The following NLRP9 variants were observed in gnomAD, a reference collection of about 807,000 sequenced individuals.
The protein encoded by NLRP9 is NACHT, LRR and PYD domains-containing protein 9.
NLRP9 carries 88 observed loss-of-function variants against 83.1 expected under a neutral mutation model. That is an observed-to-expected ratio of 1.06 (90% CI 0.89 to 1.26). NLRP9 has a LOEUF of 1.26. NLRP9 is among the 50% of genes most tolerant of loss of function. The pLI, the probability that NLRP9 is intolerant of heterozygous loss-of-function variation, is 0.00. For synonymous variants in NLRP9, 521 were observed against 447.6 expected, an observed-to-expected ratio of 1.16 and a Z score of -2.07; for missense variants, 1,308 against 1,179.3, an observed-to-expected ratio of 1.11 and a Z score of -1.60.
In NLRP9 at chr19:55,708,863, T is replaced by C; in HGVS notation, c.*49A>G. The C allele has an allele frequency of 7.0e-7, 1 of 1,425,706 alleles. No individual in the cohort carries two copies. Among genetic ancestry groups the C allele is most frequent in the Non-Finnish European group, 9.3e-7 (1 of 1,071,040 alleles). The allele number at this position is 1,425,706 out of a possible 1,614,324, so 88.3% of individuals were successfully genotyped here. ...TAGAGGTGCCAGGTGAAGGTCCCACTGTGGCCAAGGAAAGCCTTTGTGAGA... is the reference window on the plus strand; with the variant it reads ...TAGAGGTGCCAGGTGAAGGTCCCACCGTGGCCAAGGAAAGCCTTTGTGAGA... On this transcript the variant is annotated 3_prime_UTR_variant, in exon 9 of 9. Transcript: ENST00000332836.
intron 4 of NLRP9, among the ~76,000 whole-genome samples, chr19:55,719,288 G>C (rs1988143178): frequency 6.6e-6 from 1 of 152,200 alleles, no homozygotes; most frequent in African/African-American, 2.4e-5. Flanking sequence ...AACTAGCTGG[G>C]ATTACAGGCA....
intron 1 of NLRP9, among the ~76,000 whole-genome samples, chr19:55,736,173 T>G (rs1038402750): frequency 4.6e-5 from 7 of 151,744 alleles, no homozygotes; most frequent in Non-Finnish European, 1.0e-4. Flanking sequence ...GGGTGGATCA[T>G]GAGGTCAGGA....
At chr19:55,711,548 C>T (rs556113622) in intron 8 of NLRP9, 1 of 1,160,772 alleles carries the variant, frequency 8.6e-7, no homozygotes, top group Non-Finnish European at 1.2e-6. Flanking sequence ...CTGACAATTT[C>T]TGGAGCTCTT....
chr19:55,730,158 A>C (rs552430476), intron 2 of NLRP9, among the ~76,000 whole-genome samples, 166 bp from the exon 3 acceptor site: 1 of 152,376 alleles, frequency 6.6e-6, no homozygotes, highest in East Asian at 1.9e-4. Context: ...CATAATAGTT[A>C]GAAAGTAGGC....
In NLRP9 at chr19:55,712,607, C is replaced by A. The variant is rs891953900; in HGVS notation, c.2502-17G>T. The A allele has an allele frequency of 2.5e-6, 4 of 1,609,222 alleles. No homozygotes were observed. Among genetic ancestry groups the A allele is most frequent in the Non-Finnish European group, 3.4e-6 (4 of 1,177,968 alleles). On this transcript the variant is annotated splice_polypyrimidine_tract_variant and intron_variant, in intron 6 of 8. Transcript: ENST00000332836. ...CCCATCAACCTGGGGAGGTGGAAGA[C>A]ACACAAATACGTACACTTATGAGGT...
At chr19:55,730,119 G>A (rs936575878) in intron 2 of NLRP9, 127 bp from the exon 3 acceptor site, 46 of 778,158 alleles carry the variant, frequency 5.9e-5, no homozygotes, top group East Asian at 5.4e-4. Flanking sequence ...ACAGGGAGAA[G>A]GTCAGCCAGG....
intron 2 of NLRP9, among the ~76,000 whole-genome samples, chr19:55,731,138 T>G (rs1484706971): frequency 6.6e-6 from 1 of 152,140 alleles, no homozygotes; most frequent in East Asian, 1.9e-4. Context: ...AAAAATGTTA[T>G]CATGAACAGC....
chr19:55,735,753 T>C (rs1203898120), intron 1 of NLRP9, among the ~76,000 whole-genome samples: 3 of 152,106 alleles, frequency 2.0e-5, no homozygotes, highest in African/African-American at 7.2e-5. Context: ...AGTGGTGTGA[T>C]TGTGGCTCAC....
rs199475850 is a variant in NLRP9, at chr19:55,711,891, G to T, written c.2752C>A (p.Leu918Met). Residue 918 changes from leucine (L) to methionine (M), a missense_variant, in exon 8 of 9, where the codon CTG becomes ATG. Coordinates refer to ENST00000332836, the MANE Select transcript of NLRP9 (RefSeq NM_176820.4). Reference sequence around the variant, plus strand: ...TCCAAGGCAATCCAGTCGAGGTTCAGGCTCCTCAGTGTTTTGCAGGCGATG... The same window carrying T: ...TCCAAGGCAATCCAGTCGAGGTTCATGCTCCTCAGTGTTTTGCAGGCGATG... ...ALIACKTLRSLNLDWIALDAD... is the reference protein window; with the variant it reads ...ALIACKTLRSMNLDWIALDAD... 27 of 1,613,240 alleles carry T rather than the reference G, an allele frequency of 1.7e-5. No homozygotes were observed. The highest frequency in any genetic ancestry group is 2.3e-5 in the Non-Finnish European group (27 of 1,179,972).
chr19:55,732,014 G>T lies in NLRP9; in HGVS notation c.1817C>A (p.Ser606Ter). The change falls in exon 2 of 9, where the codon TCA (serine) becomes TAA (stop). Residue 606 changes from serine (S) to a stop codon, truncating the protein, a stop_gained. Transcript: ENST00000332836. LOFTEE classifies it high-confidence loss of function. ...ACAGACTCACTCTGAGATGCATCCT[G>T]AGTCATCTGGAAAGATATTCTCCAC... ...MCVENIFPDDSGCISDYNEKL... is the reference protein window; with the variant it reads ...MCVENIFPDD 1 of 1,567,964 alleles carries T rather than the reference G, an allele frequency of 6.4e-7. No individual in the cohort carries two copies. The highest frequency in any genetic ancestry group is 1.9e-5 in the Admixed American group (1 of 53,226).
chr19:55,722,849 G>T (rs1988271793), intron 4 of NLRP9, among the ~76,000 whole-genome samples: 1 of 152,132 alleles, frequency 6.6e-6, no homozygotes, highest in Non-Finnish European at 1.5e-5. Context: ...TCTTTGCAGG[G>T]ACATGGATGA....
Position 55,732,797 on chromosome 19 carries a change from G to C in NLRP9, c.1034C>G (p.Thr345Ser), listed in dbSNP as rs760248399. The change falls in exon 2 of 9, where the codon ACT becomes AGT. Residue 345 changes from threonine (T) to serine (S), a missense_variant. Thr to Ser is a moderately conservative substitution (Grantham distance 58, BLOSUM62 1). Coordinates refer to ENST00000332836, the MANE Select transcript of NLRP9 (RefSeq NM_176820.4). ...CCTCTCTAGCCTCTGTTTCACACAA[G>C]TACAGACCAACCAGCACGTAAAGGG... ...HNPFTCWLVC[T>S]CVKQRLERGE... The C allele has an allele frequency of 6.2e-7, 1 of 1,614,150 alleles. No homozygotes were observed. The highest frequency in any genetic ancestry group is 1.1e-5 in the South Asian group (1 of 91,074).
chr19:55,712,846 A>G (rs1246069979), intron 6 of NLRP9, among the ~76,000 whole-genome samples: 1 of 1,410 alleles, frequency 7.1e-4, no homozygotes, highest in Non-Finnish European at 1.3e-3. Flanking sequence ...GAGGGGAGGA[A>G]GAGGAGTGGG....
chr19:55,735,303 C>G (rs1052805221), intron 1 of NLRP9, among the ~76,000 whole-genome samples: 10 of 152,072 alleles, frequency 6.6e-5, no homozygotes, highest in African/African-American at 2.4e-4. Context: ...TTAAAACATA[C>G]ATGCTAGGCA....
intron 5 of NLRP9, 152 bp downstream of exon 5, chr19:55,716,576 G>T: frequency 1.6e-6 from 1 of 622,912 alleles, no homozygotes; most frequent in Non-Finnish European, 2.8e-6. Flanking sequence ...TTTTACTGAT[G>T]AGCAACTGAG....
chr19:55,727,971 AG>A (rs1335029915), intron 3 of NLRP9, among the ~76,000 whole-genome samples: 1 of 152,234 alleles, frequency 6.6e-6, no homozygotes, highest in Non-Finnish European at 1.5e-5. Flanking sequence ...AAAAATCCAG[AG>A]AAAACCAGAC....
At chr19:55,737,734 TAAAAAAAAAA>T (rs57736610) in intron 1 of NLRP9, 1,525 of 80,304 alleles carry the variant, frequency 0.019, 40 homozygotes, top group African/African-American at 0.066. Flanking sequence ...ACCCTTTCTC[TAAAAAAAAAA>T]AAAAAAAAAA....
chr19:55,709,185 C>T (rs1224658477), intron 8 of NLRP9, 141 bp from the exon 9 acceptor site: 2 of 567,100 alleles, frequency 3.5e-6, no homozygotes, highest in East Asian at 3.5e-5. Flanking sequence ...ATTTGAAAAA[C>T]AAGCATGAAT....
At chr19:55,722,571 G>A (rs1988262200) in intron 4 of NLRP9, among the ~76,000 whole-genome samples, 1 of 152,190 alleles carries the variant, frequency 6.6e-6, no homozygotes, top group Non-Finnish European at 1.5e-5. Context: ...CTGGGAGAGA[G>A]AAGAGCATAT....
Sources: gnomAD v4.1 joint callset for allele counts (sites outside exome capture counted in the v4.1 genomes callset) on GRCh38, gnomAD v4.1.1 for gene constraint, MANE v1.5 for transcripts, NCBI Gene and HGNC (gene_info 2026-07-23, HGNC 2026-07-21) for gene names.